Variants in VPS16 observed in about 807,000 individuals in gnomAD.
VPS16 encodes vacuolar protein sorting-associated protein 16 homolog.
In VPS16, 82 loss-of-function variants were observed where a neutral mutation model predicts 116.0. The ratio of observed to expected loss-of-function variants is 0.71; its 90% CI spans 0.59 to 0.85. VPS16 has a LOEUF of 0.85. VPS16 is among the 40% of genes least tolerant of loss of function. VPS16 has a pLI of 0.00. For synonymous variants in VPS16, 406 were observed against 420.7 expected, an observed-to-expected ratio of 0.96 and a Z score of 0.43; for missense variants, 928 against 1,090.6, an observed-to-expected ratio of 0.85 and a Z score of 2.10.
chr20:2,865,852 T>G lies in VPS16; in HGVS notation c.2271+357T>G. The stretch of plus-strand genomic sequence containing the variant: ...TGGAGATACTGAGGGCTGTTTTCTG[T>G]GGTGGGTAGTTCAGAGGTGTATAGG... On this transcript the variant is annotated intron_variant, in intron 22 of 23. Coordinates refer to ENST00000380445, the MANE Select transcript of VPS16 (RefSeq NM_022575.4). The surrounding 1 kb of genome is among the most constrained non-coding windows in gnomAD (Gnocchi z 5.2). 2.2e-6 allele frequency: 1 copy of G among 452,574 alleles called. No individual in the cohort carries two copies. Among genetic ancestry groups the G allele is most frequent in the Admixed American group, 3.8e-5 (1 of 26,590 alleles). 28.0% of individuals were successfully genotyped at this position (452,574 alleles called of 1,614,324 possible).
rs756255888 is a variant in VPS16, at chr20:2,860,166, T to C, written c.240+15T>C. ...CCAGCCTGCTGGTGAGCACTTCTGA[T>C]GGTCCCTGGGGCTCAGGGCTGGACA... On this transcript the variant is annotated intron_variant, in intron 3 of 23. Coordinates refer to ENST00000380445, the MANE Select transcript of VPS16 (RefSeq NM_022575.4). The surrounding 1 kb of genome is among the most constrained non-coding windows in gnomAD (Gnocchi z 6.1). The C allele has an allele frequency of 1.2e-6, 2 of 1,614,078 alleles. No homozygotes were observed. The highest frequency in any genetic ancestry group is 1.7e-6 in the Non-Finnish European group (2 of 1,180,016).
chr20:2,850,919 G>A (rs1360887105), intron 1 of VPS16, among the ~76,000 whole-genome samples: 3 of 143,146 alleles, frequency 2.1e-5, no homozygotes, highest in Non-Finnish European at 3.0e-5. Flanking sequence ...GCTACAGTGA[G>A]CCAATCACAC....
chr20:2,849,928 A>G (rs1159494669), intron 1 of VPS16, among the ~76,000 whole-genome samples: 2 of 152,198 alleles, frequency 1.3e-5, no homozygotes, highest in African/African-American at 4.8e-5. Context: ...CAGTTCCGAA[A>G]TCCCATCTTT....
rs922423027 is a variant in VPS16, at chr20:2,865,672, A to G, written c.2271+177A>G. On this transcript the variant is annotated intron_variant, in intron 22 of 23. Coordinates refer to ENST00000380445, the MANE Select transcript of VPS16 (RefSeq NM_022575.4). This position sits in a 1 kb window ranked among gnomAD's most constrained non-coding sequence, Gnocchi z 5.2. Reference sequence around the variant, plus strand: ...AGGCATCATCTGCTGTGTTGGGTGCACTGGAGGATGGGTCCAAGTTTGCCT... The same window carrying G: ...AGGCATCATCTGCTGTGTTGGGTGCGCTGGAGGATGGGTCCAAGTTTGCCT... Among the ~76,000 whole-genome samples the G allele has an allele frequency of 1.3e-5, 2 of 152,202 alleles. No homozygotes were observed. Among genetic ancestry groups the G allele is most frequent in the Non-Finnish European group, 2.9e-5 (2 of 68,038 alleles).
At chr20:2,858,929 C>T (rs965256677) in intron 1 of VPS16, among the ~76,000 whole-genome samples, 1 of 152,146 alleles carries the variant, frequency 6.6e-6, no homozygotes, top group Non-Finnish European at 1.5e-5. Flanking sequence ...TAACTCAGTA[C>T]CTCTAAAACT....
chr20:2,862,860 G>A lies in VPS16; in HGVS notation c.1257G>A (p.Val419=). ...ACAGATTTCCACCCGACAGCTTCGT[G>A]CACATGTGTCAGGACCTGCGTGTGC... is the stretch of plus-strand genomic sequence containing the variant. ...FLDRFPPDSF[V]HMCQDLRVLN... is the part of the protein sequence containing the mutation. The change falls in exon 13 of 24, where the codon GTG becomes GTA. Residue 419 remains valine (V), a synonymous_variant. Coordinates refer to ENST00000380445, the MANE Select transcript of VPS16 (RefSeq NM_022575.4). 2 of 1,614,140 alleles carry A rather than the reference G, an allele frequency of 1.2e-6. No individual in the cohort carries two copies. Among genetic ancestry groups the A allele is most frequent in the Middle Eastern group, 1.6e-4 (1 of 6,062 alleles).
Position 2,865,751 on chromosome 20 carries a change from G to A in VPS16, c.2271+256G>A, listed in dbSNP as rs555502. 0.35 allele frequency among the ~76,000 whole-genome samples: 53,452 copies of A among 152,060 alleles called. 10,497 individuals carry two copies. Among genetic ancestry groups the A allele is most frequent in the African/African-American group, 0.53 (21,924 of 41,450 alleles). On this transcript the variant is annotated intron_variant, in intron 22 of 23. Coordinates refer to ENST00000380445, the MANE Select transcript of VPS16 (RefSeq NM_022575.4). This position sits in a 1 kb window ranked among gnomAD's most constrained non-coding sequence, Gnocchi z 5.2. Reference sequence around the variant, plus strand: ...TGCTTTCCCCAGGGAGGGCCACAGGGGGCACTATGTGCTAGAGGGAAAGTC... The same window carrying A: ...TGCTTTCCCCAGGGAGGGCCACAGGAGGCACTATGTGCTAGAGGGAAAGTC...
chr20:2,860,177 G>T lies in VPS16; in HGVS notation c.240+26G>T, dbSNP rs1338498038. 6.2e-7 allele frequency: 1 copy of T among 1,613,878 alleles called. No individual in the cohort carries two copies. Among genetic ancestry groups the T allele is most frequent in the African/African-American group, 1.3e-5 (1 of 74,896 alleles). ...GTGAGCACTTCTGATGGTCCCTGGG[G>T]CTCAGGGCTGGACAGGGTTTCCTCA... On this transcript the variant is annotated intron_variant, in intron 3 of 23. Coordinates refer to ENST00000380445, the MANE Select transcript of VPS16 (RefSeq NM_022575.4). This position sits in a 1 kb window ranked among gnomAD's most constrained non-coding sequence, Gnocchi z 6.1.
chr20:2,847,596 A>T (rs1303057511), intron 1 of VPS16, among the ~76,000 whole-genome samples: 3 of 151,328 alleles, frequency 2.0e-5, no homozygotes, highest in Non-Finnish European at 4.4e-5. Flanking sequence ...CTCCTGCCTC[A>T]GCCTCCCGAG....
At position 2,860,399 on chromosome 20, in the gene VPS16, TAG is replaced by T. The variant is rs760380110; in HGVS notation, c.369+35_369+36del. Reference sequence around the variant, plus strand: ...GTCACAGAGGGCTGGGGACGCGGGGTAGAGTTTATGACCCTGTGGCTCCCTTA... The same window carrying T: ...GTCACAGAGGGCTGGGGACGCGGGGTAGTTTATGACCCTGTGGCTCCCTTA... On this transcript the variant is annotated intron_variant, in intron 4 of 23. Coordinates refer to ENST00000380445, the MANE Select transcript of VPS16 (RefSeq NM_022575.4). The surrounding 1 kb of genome is among the most constrained non-coding windows in gnomAD (Gnocchi z 6.1). 2 of 1,613,638 alleles carry T rather than the reference TAG, an allele frequency of 1.2e-6. No individual in the cohort carries two copies. The highest frequency in any genetic ancestry group is 2.7e-5 in the African/African-American group (2 of 74,836).
At chr20:2,845,862 G>A (rs1260821983) in intron 1 of VPS16, among the ~76,000 whole-genome samples, 1 of 152,068 alleles carries the variant, frequency 6.6e-6, no homozygotes, top group Non-Finnish European at 1.5e-5. Context: ...GAGTCATATA[G>A]CACTTACTTC....
chr20:2,861,421 A>G, intron 8 of VPS16, 141 bp downstream of exon 8: 1 of 1,442,484 alleles, frequency 6.9e-7, no homozygotes, highest in South Asian at 1.2e-5. Flanking sequence ...GCACACTTGA[A>G]GGAAACCATT....
At chr20:2,862,759 G>GGGGGGGGGGGGGGGGGGGGGGC in intron 12 of VPS16, 48 bp from the exon 13 acceptor site, 6 of 777,158 alleles carry the variant, frequency 7.7e-6, no homozygotes, top group Non-Finnish European at 1.3e-5. Context: ...GAGGGGGTGG[G>GGGGGGGGGGGGGGGGGGGGGGC]ATGGGCAGCA....
At chr20:2,856,974 CTTTTTCTTTTTT>C (rs1157761508) in intron 1 of VPS16, among the ~76,000 whole-genome samples, 22 of 122,472 alleles carry the variant, frequency 1.8e-4, no homozygotes, top group Non-Finnish European at 3.2e-4. Context: ...TTTTCTTTTT[CTTTTTCTTTTTT>C]TTTTTTTTTG....
At chr20:2,861,988 A>G (rs1600000459) in intron 10 of VPS16, 66 bp from the exon 11 acceptor site, 2 of 1,606,146 alleles carry the variant, frequency 1.2e-6, no homozygotes, top group East Asian at 4.5e-5. Flanking sequence ...GAGCAGGAAT[A>G]GGGTGTTGAG....
chr20:2,853,141 A>G (rs1011630985), intron 1 of VPS16, among the ~76,000 whole-genome samples: 1 of 152,220 alleles, frequency 6.6e-6, no homozygotes, highest in Non-Finnish European at 1.5e-5. Flanking sequence ...TTGTAGTCCC[A>G]GCACTTTAGG....
At position 2,864,657 on chromosome 20, in the gene VPS16, C is replaced by G. The variant is rs1206214221; in HGVS notation, c.1926+3C>G. The G allele has an allele frequency of 6.2e-7, 1 of 1,613,866 alleles. No homozygotes were observed. Among genetic ancestry groups the G allele is most frequent in the Admixed American group, 1.7e-5 (1 of 60,018 alleles). On this transcript the variant is annotated splice_donor_region_variant and intron_variant, in intron 19 of 23. Coordinates refer to ENST00000380445, the MANE Select transcript of VPS16 (RefSeq NM_022575.4). The surrounding 1 kb of genome is among the most constrained non-coding windows in gnomAD (Gnocchi z 5.2). ...GAGCCAGCTATGCTGCAGAAGAGGT[C>G]TGAGATCCATGGGGCGTGTGGGGCG...
rs2089279692 is a variant in VPS16 at position 2,863,942 on chromosome 20, C to G, written c.1477-7C>G. The G allele has an allele frequency of 6.2e-7, 1 of 1,612,928 alleles. No homozygotes were observed. Among genetic ancestry groups the G allele is most frequent in the Non-Finnish European group, 8.5e-7 (1 of 1,179,216 alleles). On this transcript the variant is annotated splice_polypyrimidine_tract_variant and splice_region_variant and intron_variant, in intron 15 of 23. Transcript: ENST00000380445. This position sits in a 1 kb window ranked among gnomAD's most constrained non-coding sequence, Gnocchi z 4.4. ...CAGATGTTTGTGACACCCCGCATCCCTTGCAGGTGCAACAGAAGGATGTCT... is the reference window on the plus strand; with the variant it reads ...CAGATGTTTGTGACACCCCGCATCCGTTGCAGGTGCAACAGAAGGATGTCT...
At position 2,864,467 on chromosome 20, in the gene VPS16, G is replaced by A; in HGVS notation, c.1818+5G>A. 6.2e-7 allele frequency: 1 copy of A among 1,614,204 alleles called. No individual in the cohort carries two copies. Among genetic ancestry groups the A allele is most frequent in the Non-Finnish European group, 8.5e-7 (1 of 1,180,032 alleles). On this transcript the variant is annotated splice_donor_5th_base_variant and intron_variant, in intron 18 of 23. Coordinates refer to ENST00000380445, the MANE Select transcript of VPS16 (RefSeq NM_022575.4). The surrounding 1 kb of genome is among the most constrained non-coding windows in gnomAD (Gnocchi z 5.2). ...GCCCTCAGTTTGTACCGACAGGTGTGTGTAGTGGGCAGGGTTGTGGTGTAG... is the reference window on the plus strand; with the variant it reads ...GCCCTCAGTTTGTACCGACAGGTGTATGTAGTGGGCAGGGTTGTGGTGTAG...
Sources: allele counts gnomAD v4.1 joint callset (sites outside exome capture counted in the v4.1 genomes callset), GRCh38; gene constraint gnomAD v4.1.1; non-coding constraint Gnocchi (gnomAD v3.1); transcripts MANE v1.5; gene names NCBI Gene and HGNC (gene_info 2026-07-23, HGNC 2026-07-21).